The following VEPH1 variants were observed in gnomAD, a reference collection of about 807,000 sequenced individuals.
VEPH1 encodes the protein ventricular zone expressed PH domain containing 1, also known as ventricular zone-expressed PH domain-containing protein homolog 1.
Under a neutral mutation model 85.2 loss-of-function variants are expected in VEPH1, and 80 were observed. That is an observed-to-expected ratio of 0.94 (90% CI 0.78 to 1.13). VEPH1 has a LOEUF of 1.13. Among genes scored for constraint, VEPH1 ranks in the 50% most tolerant of loss-of-function variants. The pLI is 0.00. For missense variants in VEPH1, 955 were observed against 980.5 expected (o/e 0.97, Z 0.35); for synonymous variants, 297 against 348.0 (o/e 0.85, Z 1.63).
At chr3:157,482,045 C>T (rs888361192) in intron 2 of VEPH1, among the ~76,000 whole-genome samples, 1 of 152,058 alleles carries the variant, frequency 6.6e-6, no homozygotes, top group African/African-American at 2.4e-5. Context: ...TGTTTTTATA[C>T]CAGTACCATG....
intron 9 of VEPH1, among the ~76,000 whole-genome samples, chr3:157,320,696 A>G (rs1559956078): frequency 6.6e-6 from 1 of 152,100 alleles, no homozygotes; most frequent in African/African-American, 2.4e-5. Flanking sequence ...TTTGGTCTTT[A>G]TAAAGACTAA....
At chr3:157,482,325 G>C (rs904282173) in intron 2 of VEPH1, among the ~76,000 whole-genome samples, 2 of 152,088 alleles carry the variant, frequency 1.3e-5, no homozygotes, top group Admixed American at 1.3e-4. Flanking sequence ...CCAGGTTCAA[G>C]TGATTCTTAT....
In VEPH1 at chr3:157,286,596, A is replaced by G. The variant is rs963513100; in HGVS notation, c.2089T>C (p.Trp697Arg). ...VFGFSETAGAWQCFMCNNPEK... is the reference protein window; with the variant it reads ...VFGFSETAGARQCFMCNNPEK... ...GGATTGTTGCACATGAAGCATTGCCATGCTCCTGCTGTTTCACTGAAGCCA... is the reference window on the plus strand; with the variant it reads ...GGATTGTTGCACATGAAGCATTGCCGTGCTCCTGCTGTTTCACTGAAGCCA... The change falls in exon 12 of 14, where the codon TGG (tryptophan) becomes CGG (arginine). Residue 697 changes from tryptophan (W) to arginine (R), a missense_variant. Physicochemically the swap from Trp to Arg is moderately radical, Grantham distance 101. Coordinates refer to ENST00000362010, the MANE Select transcript of VEPH1 (RefSeq NM_001167912.2). 1.9e-6 allele frequency: 3 copies of G among 1,614,112 alleles called. No homozygotes were observed. Among genetic ancestry groups the G allele is most frequent in the African/African-American group, 1.3e-5 (1 of 75,046 alleles).
chr3:157,464,665 C>G (rs946374468), intron 3 of VEPH1, among the ~76,000 whole-genome samples: 1 of 152,260 alleles, frequency 6.6e-6, no homozygotes, highest in East Asian at 1.9e-4. Flanking sequence ...AGATTAGCAC[C>G]AATTTGAACT....
intron 12 of VEPH1, among the ~76,000 whole-genome samples, chr3:157,269,236 C>T (rs1423548349): frequency 1.3e-5 from 2 of 152,154 alleles, no homozygotes; most frequent in Non-Finnish European, 2.9e-5. Context: ...ACAATGAACA[C>T]TGGGCAAAAT....
rs576253815 is a variant in VEPH1 at position 157,455,573 on chromosome 3, T to C, written c.529+4608A>G. On this transcript the variant is annotated intron_variant, in intron 4 of 13. Transcript: ENST00000362010. ...TTATTTTTCTTGATCCTCTCCCTTT[T>C]CCCACCCTTCACCCTCCAATAGGCC... Among the ~76,000 whole-genome samples, 5 of 152,246 alleles carry C rather than the reference T, an allele frequency of 3.3e-5. No individual in the cohort carries two copies. In the East Asian group the frequency reaches 7.7e-4, roughly 24 times the overall value.
Position 157,274,587 on chromosome 3 carries a change from T to A in VEPH1, c.2129-8925A>T, listed in dbSNP as rs528422503. On this transcript the variant is annotated intron_variant, in intron 12 of 13. Transcript: ENST00000362010. ...ATCATAGCTTACTGGAACCTTGAACTCCTGGGCTCAAGCGATTCTCCTGCC... is the reference window on the plus strand; with the variant it reads ...ATCATAGCTTACTGGAACCTTGAACACCTGGGCTCAAGCGATTCTCCTGCC... Among the ~76,000 whole-genome samples, 37 of 152,294 alleles carry A rather than the reference T, an allele frequency of 2.4e-4. 1 individual carries two copies. The South Asian group carries it at 7.5e-3, about 31-fold the overall frequency.
At chr3:157,380,411 A>G (rs776685897) in intron 7 of VEPH1, among the ~76,000 whole-genome samples, 10 of 152,204 alleles carry the variant, frequency 6.6e-5, no homozygotes, top group African/African-American at 9.6e-5. Context: ...TGTTGAGCCT[A>G]TCATCCACTG....
intron 4 of VEPH1, among the ~76,000 whole-genome samples, chr3:157,447,441 A>C (rs934995439): frequency 3.9e-5 from 6 of 152,128 alleles, no homozygotes; most frequent in Non-Finnish European, 8.8e-5. Flanking sequence ...GTTTCCTAGA[A>C]TATTTGATTA....
At chr3:157,472,801 A>C (rs1214539270) in intron 2 of VEPH1, among the ~76,000 whole-genome samples, 1 of 152,168 alleles carries the variant, frequency 6.6e-6, no homozygotes, top group Non-Finnish European at 1.5e-5. Flanking sequence ...TTAATCTGCT[A>C]AGGATAATGG....
chr3:157,282,042 C>T (rs1716199753), intron 12 of VEPH1, among the ~76,000 whole-genome samples: 1 of 152,128 alleles, frequency 6.6e-6, no homozygotes. Context: ...AAAGGAGACC[C>T]ACAACTGCTG....
At chr3:157,263,090 G>C (rs1713134546) in intron 13 of VEPH1, among the ~76,000 whole-genome samples, 1 of 152,176 alleles carries the variant, frequency 6.6e-6, no homozygotes, top group South Asian at 2.1e-4. Context: ...TCTTCCACTA[G>C]AGTCTTTCAA....
intron 9 of VEPH1, among the ~76,000 whole-genome samples, chr3:157,318,736 C>A (rs1721064210): frequency 6.6e-6 from 1 of 151,628 alleles, no homozygotes; most frequent in Non-Finnish European, 1.5e-5. Flanking sequence ...TGGAAATGGA[C>A]TAGAGTTAGT....
At chr3:157,347,753 C>T (rs1194248129) in intron 9 of VEPH1, among the ~76,000 whole-genome samples, 1 of 152,234 alleles carries the variant, frequency 6.6e-6, no homozygotes, top group Non-Finnish European at 1.5e-5. Context: ...TCCGCATCAT[C>T]CCCTATTGCC....
At chr3:157,446,809 G>A (rs540688265) in intron 4 of VEPH1, among the ~76,000 whole-genome samples, 1 of 152,162 alleles carries the variant, frequency 6.6e-6, no homozygotes, top group Non-Finnish European at 1.5e-5. Flanking sequence ...AATCTGGAGT[G>A]TAGCAGAAAA....
At chr3:157,274,828 G>A (rs796870768) in intron 12 of VEPH1, among the ~76,000 whole-genome samples, 19 of 152,012 alleles carry the variant, frequency 1.2e-4, no homozygotes, top group Admixed American at 2.6e-4. Context: ...ACTCATCCAC[G>A]TATTCATTGA....
chr3:157,371,858 C>T (rs1290596265), intron 7 of VEPH1, among the ~76,000 whole-genome samples: 1 of 152,092 alleles, frequency 6.6e-6, no homozygotes, highest in East Asian at 1.9e-4. Flanking sequence ...CAGATGGACC[C>T]CGAATCTTTA....
chr3:157,352,864 C>T lies in VEPH1; in HGVS notation c.1735+10500G>A, dbSNP rs549821223. Among the ~76,000 whole-genome samples, 7 of 152,256 alleles carry T rather than the reference C, an allele frequency of 4.6e-5. No individual in the cohort carries two copies. In the South Asian group the frequency reaches 6.2e-4, roughly 14 times the overall value. ...TGGAATTCTTGGTTTAAACATTCTT[C>T]AGGAAGGCTAGTGTGTGAAGCCAGC... is the stretch of plus-strand genomic sequence containing the variant. On this transcript the variant is annotated intron_variant, in intron 9 of 13. Transcript: ENST00000362010.
In VEPH1 at chr3:157,265,624, G is replaced by A; in HGVS notation, c.2167C>T (p.Leu723Phe). Reference protein sequence around the residue: ...QDGQPLIEGKLKEKQVRWKFI... With the variant: ...QDGQPLIEGKFKEKQVRWKFI... Reference sequence around the variant, plus strand: ...TTCCATCTGACTTGCTTCTCTTTAAGTTTTCCTTCTATGAGAGGCTGGCCA... The same window carrying A: ...TTCCATCTGACTTGCTTCTCTTTAAATTTTCCTTCTATGAGAGGCTGGCCA... Residue 723 changes from leucine (L) to phenylalanine (F), a missense_variant, in exon 13 of 14, where the codon CTT (leucine) becomes TTT (phenylalanine). Transcript: ENST00000362010. 1 of 1,613,610 alleles carries A rather than the reference G, an allele frequency of 6.2e-7. No homozygotes were observed. The highest frequency in any genetic ancestry group is 1.3e-5 in the African/African-American group (1 of 74,998).
Sources: allele counts gnomAD v4.1 joint callset (sites outside exome capture counted in the v4.1 genomes callset), GRCh38; gene constraint gnomAD v4.1.1; transcripts MANE v1.5; gene names NCBI Gene and HGNC (gene_info 2026-07-23, HGNC 2026-07-21).